Variants in TANC2 observed in about 807,000 individuals in gnomAD.
TANC2 encodes the protein tetratricopeptide repeat, ankyrin repeat and coiled-coil containing 2.
A neutral mutation model predicts 210.5 loss-of-function variants in TANC2; 26 were observed. The ratio of observed to expected loss-of-function variants is 0.12; its 90% CI spans 0.09 to 0.17. The LOEUF is 0.17. Among genes scored for constraint, TANC2 ranks in the 10% least tolerant of loss-of-function variants. TANC2 has a pLI of 1.00. For synonymous variants in TANC2, 931 were observed against 967.1 expected (o/e 0.96, Z 0.69); for missense variants, 2,129 against 2,608.9 (o/e 0.82, Z 4.01).
intron 4 of TANC2, among the ~76,000 whole-genome samples, chr17:63,146,306 A>G (rs2039461203): frequency 1.3e-5 from 2 of 151,796 alleles, no homozygotes; most frequent in Admixed American, 1.3e-4. Flanking sequence ...ATTTTTCTGG[A>G]GTCTTTAGGG....
At chr17:63,299,819 G>A (rs1045807329) in intron 9 of TANC2, among the ~76,000 whole-genome samples, 9 of 151,946 alleles carry the variant, frequency 5.9e-5, no homozygotes, top group Admixed American at 5.9e-4. Flanking sequence ...GGCTTTTATG[G>A]CAATTATTTT....
intron 14 of TANC2, among the ~76,000 whole-genome samples, chr17:63,365,768 A>G (rs141974613): frequency 6.6e-6 from 1 of 152,082 alleles, no homozygotes; most frequent in African/African-American, 2.4e-5. Context: ...ACATAGAAAG[A>G]TCTCTCACTC....
At chr17:63,200,238 C>G (rs1243793990) in intron 6 of TANC2, among the ~76,000 whole-genome samples, 2 of 151,610 alleles carry the variant, frequency 1.3e-5, no homozygotes, top group African/African-American at 2.4e-5. Flanking sequence ...GCCTATAATC[C>G]CAGCTATTTG....
intron 9 of TANC2, among the ~76,000 whole-genome samples, chr17:63,300,219 T>C (rs2146483420): frequency 6.6e-6 from 1 of 152,342 alleles, no homozygotes; most frequent in East Asian, 1.9e-4. Context: ...GGTAGCATGA[T>C]GCCTCCAGCT....
intron 12 of TANC2, among the ~76,000 whole-genome samples, chr17:63,341,512 T>C (rs1441668338): frequency 6.6e-6 from 1 of 152,230 alleles, no homozygotes; most frequent in Non-Finnish European, 1.5e-5. Context: ...AGTTTAGTGC[T>C]CTTTCCACAT....
chr17:63,374,545 C>G (rs1228250555), intron 14 of TANC2, among the ~76,000 whole-genome samples: 1 of 152,050 alleles, frequency 6.6e-6, no homozygotes, highest in African/African-American at 2.4e-5. Context: ...AGGAAGGAAC[C>G]CCTGAGTTTA....
At chr17:63,330,483 A>G (rs2045801924) in intron 11 of TANC2, among the ~76,000 whole-genome samples, 1 of 152,232 alleles carries the variant, frequency 6.6e-6, no homozygotes, top group Non-Finnish European at 1.5e-5. Context: ...TTGCATGACA[A>G]TAAACAATGG....
intron 5 of TANC2, chr17:63,152,785 A>G (rs1232792111): frequency 6.6e-6 from 1 of 152,176 alleles, no homozygotes; most frequent in Non-Finnish European, 1.5e-5. Context: ...TTTGCAAGTC[A>G]GAATGACTGT....
exon 28 of TANC2, chr17:63,424,793 CTT>C (rs2049105749): frequency 6.6e-6 from 1 of 151,960 alleles, no homozygotes; most frequent in African/African-American, 2.4e-5. Context: ...CCGCTCTTGT[CTT>C]TTAGTGTATT....
chr17:63,132,861 A>G (rs191213736), intron 4 of TANC2, among the ~76,000 whole-genome samples: 75 of 152,308 alleles, frequency 4.9e-4, no homozygotes, highest in African/African-American at 1.7e-3. Context: ...ATGCCTCAAT[A>G]GTCATTTTAG....
chr17:63,288,004 G>T (rs1326929980), intron 9 of TANC2, among the ~76,000 whole-genome samples: 5 of 152,128 alleles, frequency 3.3e-5, no homozygotes, highest in Non-Finnish European at 1.5e-5. Flanking sequence ...TTCCATTCTG[G>T]CTGGTAGGAA....
At chr17:63,065,596 G>A (rs2036166868) in intron 2 of TANC2, among the ~76,000 whole-genome samples, 1 of 152,116 alleles carries the variant, frequency 6.6e-6, no homozygotes, top group Non-Finnish European at 1.5e-5. Context: ...TATTAATTAT[G>A]TATGAGGTGG....
chr17:63,051,461 GT>G (rs1441520802), intron 2 of TANC2, among the ~76,000 whole-genome samples: 1 of 152,088 alleles, frequency 6.6e-6, no homozygotes, highest in Non-Finnish European at 1.5e-5. Context: ...TAGTTAATTT[GT>G]TTATTTATCT....
intron 14 of TANC2, among the ~76,000 whole-genome samples, chr17:63,366,020 TTAG>T (rs2047099843): frequency 6.6e-6 from 1 of 152,000 alleles, no homozygotes; most frequent in Non-Finnish European, 1.5e-5. Flanking sequence ...TTCCTAATGA[TTAG>T]TAGAGTGCCT....
At chr17:63,012,932 G>A (rs2033937356) in intron 2 of TANC2, among the ~76,000 whole-genome samples, 1 of 152,110 alleles carries the variant, frequency 6.6e-6, no homozygotes, top group Admixed American at 6.5e-5. Flanking sequence ...TGGGATTTCA[G>A]GTGTGAGCCA....
chr17:62,989,767 C>CTTT lies in TANC2; in HGVS notation c.-23-19750_-23-19748dup, dbSNP rs369502208. On this transcript the variant is annotated intron_variant, in intron 1 of 27. Coordinates refer to ENST00000689528, the Ensembl canonical transcript of TANC2. The stretch of plus-strand genomic sequence containing the variant: ...AAGCTCATAGAATAAAAAACACATG[C>CTTT]TTTTTTTTTTTTTTTTTTTTTTGAG... 5.3e-3 allele frequency among the ~76,000 whole-genome samples: 587 copies of CTTT among 109,766 alleles called. 19 individuals carry two copies. The highest frequency in any genetic ancestry group is 0.016 in the African/African-American group (391 of 24,980). 72.0% of individuals were successfully genotyped at this position (109,766 alleles called of 152,430 possible).
At chr17:63,092,587 T>C (rs1322933786) in intron 3 of TANC2, among the ~76,000 whole-genome samples, 1 of 152,082 alleles carries the variant, frequency 6.6e-6, no homozygotes, top group East Asian at 1.9e-4. Flanking sequence ...GGTGCTGGCA[T>C]CTGCTTGGCT....
chr17:63,087,286 G>C (rs993640532), intron 3 of TANC2, among the ~76,000 whole-genome samples: 1 of 152,192 alleles, frequency 6.6e-6, no homozygotes, highest in Non-Finnish European at 1.5e-5. Context: ...AGGAACTGTG[G>C]TGAATAAACC....
intron 4 of TANC2, chr17:63,148,856 C>T (rs1298572591): frequency 2.0e-5 from 3 of 152,136 alleles, no homozygotes; most frequent in African/African-American, 4.8e-5. Context: ...CTATGTTCTC[C>T]ACCAAGCAAT....
Sources: gnomAD v4.1 joint callset for allele counts (sites outside exome capture counted in the v4.1 genomes callset) on GRCh38, gnomAD v4.1.1 for gene constraint, MANE v1.5 for transcripts, NCBI Gene and HGNC (gene_info 2026-07-23, HGNC 2026-07-21) for gene names.